NCOA2: variants seen among roughly 807,000 people sequenced by gnomAD.
NCOA2 encodes the protein nuclear receptor coactivator 2.
NCOA2 carries 21 observed loss-of-function variants against 145.1 expected under a neutral mutation model. The ratio of observed to expected loss-of-function variants is 0.14; its 90% CI spans 0.10 to 0.21. The LOEUF is 0.21. Ranked by LOEUF, NCOA2 falls within the 10% of genes least tolerant of loss-of-function variation. The pLI is 1.00. For synonymous variants in NCOA2, 619 were observed against 637.5 expected (o/e 0.97, Z 0.44); for missense variants, 1,472 against 1,837.6 (o/e 0.80, Z 3.64).
intron 2 of NCOA2, among the ~76,000 whole-genome samples, chr8:70,236,488 C>T (rs1483483328): frequency 6.6e-6 from 1 of 152,014 alleles, no homozygotes; most frequent in Non-Finnish European, 1.5e-5. Context: ...GTCATATATG[C>T]AATAAGCCAT....
chr8:70,316,630 CGGAA>C (rs1805602441), intron 1 of NCOA2, among the ~76,000 whole-genome samples: 2 of 152,248 alleles, frequency 1.3e-5, no homozygotes, highest in African/African-American at 4.8e-5. Flanking sequence ...CATAACCAAA[CGGAA>C]ACTTCAAGGT....
At chr8:70,289,815 A>C (rs1382647793) in intron 2 of NCOA2, among the ~76,000 whole-genome samples, 2 of 152,066 alleles carry the variant, frequency 1.3e-5, no homozygotes, top group African/African-American at 4.8e-5. Flanking sequence ...GCCATTATTA[A>C]GTGCTACACA....
chr8:70,257,683 C>T (rs1414584272), intron 2 of NCOA2, among the ~76,000 whole-genome samples: 1 of 152,056 alleles, frequency 6.6e-6, no homozygotes, highest in Non-Finnish European at 1.5e-5. Context: ...GTCACTGGCC[C>T]TTGAGAACCA....
intron 1 of NCOA2, among the ~76,000 whole-genome samples, chr8:70,304,854 A>T (rs1182652648): frequency 7.1e-6 from 1 of 139,924 alleles, no homozygotes; most frequent in Non-Finnish European, 1.5e-5. Flanking sequence ...AGAAGTAACT[A>T]GCTTTTTTTT....
intron 21 of NCOA2, among the ~76,000 whole-genome samples, chr8:70,123,588 C>A (rs1262987345): frequency 6.6e-6 from 1 of 151,704 alleles, no homozygotes; most frequent in Non-Finnish European, 1.5e-5. Flanking sequence ...ACTATTTCAT[C>A]TTTAGAGATT....
chr8:70,320,721 C>A (rs903498696), intron 1 of NCOA2, among the ~76,000 whole-genome samples: 3 of 152,042 alleles, frequency 2.0e-5, no homozygotes, highest in Admixed American at 1.3e-4. Context: ...AACAGGTAAT[C>A]TGATACTCTG....
At chr8:70,132,707 G>C (rs1585768563) in intron 15 of NCOA2, among the ~76,000 whole-genome samples, 1 of 152,120 alleles carries the variant, frequency 6.6e-6, no homozygotes, top group East Asian at 1.9e-4. Context: ...GGGACTATAG[G>C]CACGCGCCAC....
intron 1 of NCOA2, among the ~76,000 whole-genome samples, chr8:70,388,642 G>A (rs1018939497): frequency 3.3e-5 from 5 of 151,954 alleles, no homozygotes; most frequent in South Asian, 2.1e-4. Flanking sequence ...TGCAATATAC[G>A]AGTCACTCAT....
intron 2 of NCOA2, among the ~76,000 whole-genome samples, chr8:70,286,116 T>C (rs1222273876): frequency 6.6e-6 from 1 of 152,138 alleles, no homozygotes; most frequent in East Asian, 1.9e-4. Context: ...TTCTAATGTA[T>C]AAAAAATATT....
intron 2 of NCOA2, among the ~76,000 whole-genome samples, chr8:70,270,470 C>T (rs1265707706): frequency 9.2e-5 from 14 of 151,774 alleles, no homozygotes; most frequent in Admixed American, 8.5e-4. Context: ...AACTGACGGC[C>T]ACGGGACAGG....
At chr8:70,203,138 C>T (rs1480874477) in intron 4 of NCOA2, among the ~76,000 whole-genome samples, 1 of 151,984 alleles carries the variant, frequency 6.6e-6, no homozygotes, top group Admixed American at 6.6e-5. Context: ...TGGCATGTGC[C>T]TGTAGTCCCA....
intron 2 of NCOA2, among the ~76,000 whole-genome samples, chr8:70,277,250 A>C (rs1232524855): frequency 3.3e-5 from 5 of 152,224 alleles, no homozygotes; most frequent in African/African-American, 1.2e-4. Context: ...AAATGACAGA[A>C]GTCACTAAAG....
At chr8:70,123,693 T>C in intron 21 of NCOA2, 191 bp downstream of exon 21, 1 of 439,572 alleles carries the variant, frequency 2.3e-6, no homozygotes, top group Non-Finnish European at 4.0e-6. Flanking sequence ...CAGGAATCCT[T>C]TCTGTTTATT....
intron 1 of NCOA2, among the ~76,000 whole-genome samples, chr8:70,328,954 AT>A (rs1267645604): frequency 1.3e-5 from 2 of 151,048 alleles, no homozygotes; most frequent in Admixed American, 6.6e-5. Flanking sequence ...AGACCCAGCA[AT>A]TTTTTTTTCC....
At chr8:70,139,391 A>C (rs925533732) in intron 14 of NCOA2, among the ~76,000 whole-genome samples, 4 of 152,328 alleles carry the variant, frequency 2.6e-5, no homozygotes, top group Middle Eastern at 3.4e-3. Flanking sequence ...TATGATTTTT[A>C]ATCAATAAAT....
intron 1 of NCOA2, among the ~76,000 whole-genome samples, chr8:70,310,243 C>G (rs926178244): frequency 6.7e-6 from 1 of 148,840 alleles, no homozygotes; most frequent in East Asian, 2.0e-4. Context: ...TCTTGGGAGG[C>G]TGAAGCACAA....
Position 70,340,926 on chromosome 8 carries a change from T to G in NCOA2, c.-76-44126A>C, listed in dbSNP as rs555835280. On this transcript the variant is annotated intron_variant, in intron 1 of 22. Coordinates refer to ENST00000452400, the MANE Select transcript of NCOA2 (RefSeq NM_006540.4). ...AGGGAACAACACACACTGGGGCCTG[T>G]TGGGGGTAGCAGGGAGCATCAGGAA... Among the ~76,000 whole-genome samples the G allele has an allele frequency of 5.9e-5, 9 of 152,162 alleles. No homozygotes were observed. In the South Asian group the frequency reaches 1.9e-3, roughly 32 times the overall value.
chr8:70,163,692 A>G (rs1813306662), intron 7 of NCOA2, 126 bp from the exon 8 acceptor site: 1 of 667,812 alleles, frequency 1.5e-6, no homozygotes, highest in African/African-American at 1.8e-5. Flanking sequence ...ATGAAACACT[A>G]TGTACCTGAG....
chr8:70,205,827 G>A (rs1474270586), intron 4 of NCOA2, among the ~76,000 whole-genome samples: 3 of 152,150 alleles, frequency 2.0e-5, no homozygotes, highest in Middle Eastern at 3.2e-3. Flanking sequence ...TAGTAGTCAC[G>A]AAGTCGGGGC....
Sources: gnomAD v4.1 joint callset for allele counts (sites outside exome capture counted in the v4.1 genomes callset) on GRCh38, gnomAD v4.1.1 for gene constraint, MANE v1.5 for transcripts, NCBI Gene and HGNC (gene_info 2026-07-23, HGNC 2026-07-21) for gene names.